CNTNAP3B: variants seen among roughly 807,000 people sequenced by gnomAD.
The protein encoded by CNTNAP3B is contactin associated protein family member 3B, also known as contactin-associated protein-like 3B.
A neutral mutation model predicts 108.9 loss-of-function variants in CNTNAP3B; 25 were observed. That is an observed-to-expected ratio of 0.23 (90% CI 0.17 to 0.32). The LOEUF is 0.32. Among genes scored for constraint, CNTNAP3B ranks in the 10% least tolerant of loss-of-function variants. The pLI is 1.00. For missense variants in CNTNAP3B, 252 were observed against 1,210.4 expected (o/e 0.21, Z 11.75); for synonymous variants, 103 against 473.4 (o/e 0.22, Z 10.16).
rs1190098598 is a variant in CNTNAP3B at position 42,077,638 on chromosome 9, T to C, written c.197-576A>G. On this transcript the variant is annotated intron_variant, in intron 2 of 23. Transcript: ENST00000377561. ...AACTGGGGTGTGGAGGAGATATTGG[T>C]TAAAAAATACAAAAAGGTATGGAGT... 2.3e-5 allele frequency among the ~76,000 whole-genome samples: 3 copies of C among 132,482 alleles called. 1 individual carries two copies. Among genetic ancestry groups the C allele is most frequent in the South Asian group, 2.4e-4 (1 of 4,114 alleles). The allele number at this position is 132,482 out of a possible 152,430, so 86.9% of individuals were successfully genotyped here.
rs1342861950 is a variant in CNTNAP3B at position 42,062,904 on chromosome 9, G to A, written c.390+13965C>T. 5.2e-5 allele frequency among the ~76,000 whole-genome samples: 5 copies of A among 95,804 alleles called. 2 individuals are homozygous for A. The highest frequency in any genetic ancestry group is 4.4e-5 in the Non-Finnish European group (2 of 45,340). 62.9% of individuals were successfully genotyped at this position (95,804 alleles called of 152,430 possible). The stretch of plus-strand genomic sequence containing the variant: ...TTTTTAACTTGAATACAACTTAACC[G>A]TGATCACACACAAAAATTCAACATT... On this transcript the variant is annotated intron_variant, in intron 3 of 23. Transcript: ENST00000377561.
chr9:41,944,089 A>C (rs1379083764), intron 13 of CNTNAP3B, among the ~76,000 whole-genome samples: 7 of 150,446 alleles, frequency 4.7e-5, no homozygotes, highest in Non-Finnish European at 1.0e-4. Context: ...TTCTATATCC[A>C]GTAAAATTAT....
intron 10 of CNTNAP3B, among the ~76,000 whole-genome samples, chr9:41,965,170 C>G (rs868263891): frequency 1.3e-5 from 2 of 152,282 alleles, no homozygotes; most frequent in Non-Finnish European, 2.9e-5. Context: ...GCAATCTTAA[C>G]ACTGGTAATA....
intron 3 of CNTNAP3B, among the ~76,000 whole-genome samples, chr9:42,038,093 AC>A (rs1826670370): frequency 9.0e-6 from 1 of 111,490 alleles, no homozygotes; most frequent in Non-Finnish European, 1.8e-5. Flanking sequence ...AGATTTTGTC[AC>A]CACCAGACCT....
chr9:42,103,324 C>T (rs1165474974), intron 2 of CNTNAP3B, among the ~76,000 whole-genome samples: 1 of 148,334 alleles, frequency 6.7e-6, no homozygotes, highest in African/African-American at 2.6e-5. Context: ...GCCATACTGC[C>T]TATAACAAAT....
chr9:42,087,373 T>TATA (rs1273815401), intron 2 of CNTNAP3B, among the ~76,000 whole-genome samples: 3 of 130,876 alleles, frequency 2.3e-5, no homozygotes, highest in African/African-American at 8.9e-5. Context: ...TTCATGGTTG[T>TATA]TTATGCAGCT....
chr9:41,930,747 A>T (rs1285973840), intron 14 of CNTNAP3B, among the ~76,000 whole-genome samples: 1 of 152,282 alleles, frequency 6.6e-6, no homozygotes, highest in Non-Finnish European at 1.5e-5. Context: ...ATACAAAGAG[A>T]CCTGGAGGAT....
intron 13 of CNTNAP3B, among the ~76,000 whole-genome samples, chr9:41,952,412 C>G (rs1446441412): frequency 6.6e-6 from 1 of 152,116 alleles, no homozygotes; most frequent in African/African-American, 2.4e-5. Flanking sequence ...ATTGCTAAAA[C>G]TAAAAAAATG....
At position 42,098,881 on chromosome 9, in the gene CNTNAP3B, C is replaced by T. The variant is rs558958319; in HGVS notation, c.196+5748G>A. Among the ~76,000 whole-genome samples the T allele has an allele frequency of 9.7e-4, 127 of 131,050 alleles. 25 individuals are homozygous for T. Among genetic ancestry groups the T allele is most frequent in the African/African-American group, 3.7e-3 (121 of 32,550 alleles). The allele number at this position is 131,050 out of a possible 152,430, so 86.0% of individuals were successfully genotyped here. A position where few individuals can be genotyped will look rare whatever the true frequency, so the allele number is the denominator to read the frequency against. Reference sequence around the variant, plus strand: ...TGCTGTGCTATAAGAGAAGCTGATGCCTCTGCTTCCCCATCTTTGTTCTGT... The same window carrying T: ...TGCTGTGCTATAAGAGAAGCTGATGTCTCTGCTTCCCCATCTTTGTTCTGT... On this transcript the variant is annotated intron_variant, in intron 2 of 23. Coordinates refer to ENST00000377561, the MANE Select transcript of CNTNAP3B (RefSeq NM_001201380.3).
At chr9:42,127,720 TC>T (rs1828603390) in intron 1 of CNTNAP3B, among the ~76,000 whole-genome samples, 1 of 139,300 alleles carries the variant, frequency 7.2e-6, no homozygotes, top group Non-Finnish European at 1.5e-5. Context: ...ACCAAAGCAA[TC>T]CGGAGCTTGT....
intron 3 of CNTNAP3B, among the ~76,000 whole-genome samples, chr9:42,041,411 T>C (rs1392982770): frequency 6.6e-5 from 10 of 151,494 alleles, no homozygotes; most frequent in Admixed American, 6.6e-4. Context: ...AACAACCCCA[T>C]CAGAAAGTGG....
At chr9:41,947,514 T>C (rs1308236480) in intron 13 of CNTNAP3B, among the ~76,000 whole-genome samples, 1 of 152,056 alleles carries the variant, frequency 6.6e-6, no homozygotes, top group African/African-American at 2.4e-5. Context: ...ATACAACATA[T>C]CAAAATATGT....
intron 3 of CNTNAP3B, among the ~76,000 whole-genome samples, chr9:42,037,261 A>C (rs1241147932): frequency 8.1e-6 from 1 of 123,122 alleles, no homozygotes; most frequent in Admixed American, 8.3e-5. Context: ...CCTAAAACTT[A>C]AAGTATAATT....
intron 1 of CNTNAP3B, among the ~76,000 whole-genome samples, chr9:42,111,423 C>G (rs1828190664): frequency 7.2e-6 from 1 of 139,024 alleles, no homozygotes; most frequent in East Asian, 2.2e-4. Context: ...CTGTAGAACT[C>G]AACATTGCTA....
intron 3 of CNTNAP3B, among the ~76,000 whole-genome samples, chr9:42,066,151 T>A (rs1451615976): frequency 7.3e-6 from 1 of 137,208 alleles, no homozygotes; most frequent in Non-Finnish European, 1.6e-5. Context: ...AGGATTAACA[T>A]CTTTACATTA....
At chr9:41,959,620 G>T (rs1218596465) in intron 12 of CNTNAP3B, among the ~76,000 whole-genome samples, 2 of 152,428 alleles carry the variant, frequency 1.3e-5, no homozygotes, top group Middle Eastern at 3.4e-3. Flanking sequence ...GAGGTAATTG[G>T]TATCTTATGG....
intron 8 of CNTNAP3B, among the ~76,000 whole-genome samples, chr9:41,988,237 A>ATTT: frequency 4.6e-5 from 2 of 43,862 alleles, no homozygotes; most frequent in Non-Finnish European, 9.6e-5. Flanking sequence ...ACCTTCTTTG[A>ATTT]ATTTTTTTTT....
rs1554751811 is a variant in CNTNAP3B at position 42,034,186 on chromosome 9, G to GTATGTATCTATCTATC, written c.391-20662_391-20661insGATAGATAGATACATA. On this transcript the variant is annotated intron_variant, in intron 3 of 23. Transcript: ENST00000377561. ...TATCTATATGTATGTATGTATATAT[G>GTATGTATCTATCTATC]TATCTATCTATCTATCTATCTATCT... Among the ~76,000 whole-genome samples, 6 of 124,374 alleles carry GTATGTATCTATCTATC rather than the reference G, an allele frequency of 4.8e-5. 1 individual carries two copies. The highest frequency in any genetic ancestry group is 6.7e-5 in the Non-Finnish European group (4 of 59,942). The allele number at this position is 124,374 out of a possible 152,430, so 81.6% of individuals were successfully genotyped here. A position where few individuals can be genotyped will look rare whatever the true frequency, so the allele number is the denominator to read the frequency against.
intron 3 of CNTNAP3B, among the ~76,000 whole-genome samples, chr9:42,023,174 T>TAA (rs1826334505): frequency 1.7e-5 from 2 of 119,256 alleles, no homozygotes; most frequent in African/African-American, 6.9e-5. Flanking sequence ...TGCCAATGTA[T>TAA]AAAACCCCAA....
Sources: gnomAD v4.1 joint callset for allele counts (sites outside exome capture counted in the v4.1 genomes callset) on GRCh38, gnomAD v4.1.1 for gene constraint, MANE v1.5 for transcripts, NCBI Gene and HGNC (gene_info 2026-07-23, HGNC 2026-07-21) for gene names.